Variants in CD164L2 observed in about 807,000 individuals in gnomAD.
CD164L2 encodes the protein CD164 sialomucin-like 2 protein.
A neutral mutation model predicts 23.9 loss-of-function variants in CD164L2; 21 were observed. The ratio of observed to expected loss-of-function variants is 0.88; its 90% CI spans 0.62 to 1.27. The LOEUF (loss-of-function observed/expected upper bound fraction) is 1.27, where lower values mean the gene tolerates loss of function less well. CD164L2 is among the 50% of genes most tolerant of loss of function. The pLI is 0.00. For synonymous variants in CD164L2, 92 were observed against 90.2 expected, an observed-to-expected ratio of 1.02 and a Z score of -0.11; for missense variants, 230 against 224.8, an observed-to-expected ratio of 1.02 and a Z score of -0.15.
At chr1:27,379,570 CT>C in intron 5 of CD164L2, 61 bp from the exon 6 acceptor site, 1 of 1,550,606 alleles carries the variant, frequency 6.4e-7, no homozygotes, top group Non-Finnish European at 8.7e-7. Flanking sequence ...CAAGGACCCC[CT>C]GCCTCGAGAG....
In CD164L2 at chr1:27,382,532, C is replaced by T. The variant is rs773326480; in HGVS notation, c.224G>A (p.Cys75Tyr). The change falls in exon 2 of 6, where the codon TGC (cysteine) becomes TAC (tyrosine). Residue 75 changes from cysteine to tyrosine, a missense_variant. Physicochemically the swap from Cys to Tyr is radical, Grantham distance 194. Coordinates refer to ENST00000374030, the MANE Select transcript of CD164L2 (RefSeq NM_001330448.1). ...EGDGARNLSS[C>Y]VWEQCRPEEP... is the part of the protein sequence containing the mutation. ...CTCTGGCCGGCACTGCTCCCACACG[C>T]AGCTGGAGAGATTGCGCGCTCCGTC... The T allele has an allele frequency of 6.2e-7, 1 of 1,613,088 alleles. No individual in the cohort carries two copies. The highest frequency in any genetic ancestry group is 1.1e-5 in the South Asian group (1 of 90,964).
chr1:27,382,767 C>T, intron 1 of CD164L2, 100 bp from the exon 2 acceptor site: 6 of 1,302,062 alleles, frequency 4.6e-6, no homozygotes, highest in Non-Finnish European at 6.3e-6. Context: ...CGCCCCTCTG[C>T]ACACATCTGG....
intron 5 of CD164L2, chr1:27,379,756 G>A (rs2148076435): frequency 6.9e-7 from 1 of 1,439,680 alleles, no homozygotes; most frequent in East Asian, 2.5e-5. Flanking sequence ...GGCTTGCCTG[G>A]GCTGGCACCT....
chr1:27,380,085 A>G lies in CD164L2; in HGVS notation c.484T>C (p.Phe162Leu). ...TAGGTGCTGTCCTTGGCCTTGAGGA[A>G]GTGCAGCACAAAGAAAGCCACCGCC... ...LQAVAFFVLH[F>L]LKAKDSTYQT... Residue 162 changes from phenylalanine (F) to leucine (L), a missense_variant, in exon 5 of 6, where the codon TTC becomes CTC. By Grantham distance (22) the Phe-to-Leu change is conservative (BLOSUM62 0). Transcript: ENST00000374030. 1.9e-6 allele frequency: 3 copies of G among 1,613,008 alleles called. No homozygotes were observed. Among genetic ancestry groups the G allele is most frequent in the Non-Finnish European group, 2.5e-6 (3 of 1,179,254 alleles).
intron 1 of CD164L2, 82 bp from the exon 2 acceptor site, chr1:27,382,749 G>T: frequency 1.5e-6 from 2 of 1,290,382 alleles, no homozygotes; most frequent in South Asian, 2.9e-5. Flanking sequence ...CAACACTCCG[G>T]TGGCCCTCGC....
intron 4 of CD164L2, among the ~76,000 whole-genome samples, chr1:27,381,067 T>G (rs2016327168): frequency 6.6e-6 from 1 of 152,142 alleles, no homozygotes; most frequent in Non-Finnish European, 1.5e-5. Flanking sequence ...TGGGTCTCCC[T>G]CCCAGAAGGT....
Position 27,380,117 on chromosome 1 carries a change from C to T in CD164L2, c.452G>A (p.Ser151Asn). 1 of 1,614,102 alleles carries T rather than the reference C, an allele frequency of 6.2e-7. No individual in the cohort carries two copies. The highest frequency in any genetic ancestry group is 8.5e-7 in the Non-Finnish European group (1 of 1,179,952). ...CACAAAGAAAGCCACCGCCTGTAGG[C>T]TCAACACCAGCACGACACCTCCGAT... ...SFIGGVVLVL[S>N]LQAVAFFVLH... Residue 151 changes from serine (S) to asparagine (N), a missense_variant, in exon 5 of 6, where the codon AGC (serine) becomes AAC (asparagine). Physicochemically the swap from Ser to Asn is conservative, Grantham distance 46. Coordinates refer to ENST00000374030, the MANE Select transcript of CD164L2 (RefSeq NM_001330448.1).
rs932764144 is a variant in CD164L2 at position 27,379,502 on chromosome 1, G to T, written c.*1C>A. On this transcript the variant is annotated 3_prime_UTR_variant, in exon 6 of 6. Coordinates refer to ENST00000374030, the MANE Select transcript of CD164L2 (RefSeq NM_001330448.1). ...CAGGATGGAGTCCAGGCCCAAAGGGGTCAGATTCTGCAGAGGCCAAAGAGG... is the reference window on the plus strand; with the variant it reads ...CAGGATGGAGTCCAGGCCCAAAGGGTTCAGATTCTGCAGAGGCCAAAGAGG... 9.7e-6 allele frequency: 15 copies of T among 1,550,334 alleles called. No individual in the cohort carries two copies. In the Admixed American group the frequency reaches 1.8e-4, roughly 18 times the overall value.
At chr1:27,382,813 C>T (rs1451291938) in intron 1 of CD164L2, 146 bp from the exon 2 acceptor site, 6 of 868,278 alleles carry the variant, frequency 6.9e-6, no homozygotes, top group East Asian at 2.7e-5. Context: ...CAAGCCCCAG[C>T]GCACACCTGG....
At chr1:27,381,737 C>T (rs768072528) in intron 4 of CD164L2, 43 bp downstream of exon 4, 3 of 1,607,052 alleles carry the variant, frequency 1.9e-6, no homozygotes, top group Non-Finnish European at 2.6e-6. Flanking sequence ...TCTTCCCCTG[C>T]ACCTCTGCTC....
Position 27,382,412 on chromosome 1 carries a change from G to A in CD164L2, c.257-13C>T, listed in dbSNP as rs1183074309. Reference sequence around the variant, plus strand: ...GCCACACAGTGTCCTGGTGAGAGAAGGTGCAGGGGGGAGGTTTGGGGAGAG... The same window carrying A: ...GCCACACAGTGTCCTGGTGAGAGAAAGTGCAGGGGGGAGGTTTGGGGAGAG... On this transcript the variant is annotated splice_polypyrimidine_tract_variant and intron_variant, in intron 2 of 5. Transcript: ENST00000374030. The A allele has an allele frequency of 1.3e-6, 2 of 1,596,046 alleles. No individual in the cohort carries two copies. Among genetic ancestry groups the A allele is most frequent in the East Asian group, 2.2e-5 (1 of 44,478 alleles).
chr1:27,383,077 T>C (rs1448182599), intron 1 of CD164L2, 75 bp downstream of exon 1: 2 of 1,296,362 alleles, frequency 1.5e-6, no homozygotes, highest in East Asian at 2.5e-5. Flanking sequence ...AGGCTGCTCC[T>C]GGGGAGACGG....
In CD164L2 at chr1:27,382,583, T is replaced by A. The variant is rs747083294; in HGVS notation, c.173A>T (p.Glu58Val). The change falls in exon 2 of 6, where the codon GAG becomes GTG. Residue 58 changes from glutamate (E) to valine (V), a missense_variant. Coordinates refer to ENST00000374030, the MANE Select transcript of CD164L2 (RefSeq NM_001330448.1). ...PAVQGACKQL[E>V]VCEHCVEGDG... ...TCCCTCCACGCAGTGCTCACAGACC[T>A]CCAGCTGTTTGCAGGCCCCTTGGAC... 1 of 1,613,536 alleles carries A rather than the reference T, an allele frequency of 6.2e-7. No homozygotes were observed. The highest frequency in any genetic ancestry group is 8.5e-7 in the Non-Finnish European group (1 of 1,179,928).
intron 3 of CD164L2, 36 bp from the exon 4 acceptor site, chr1:27,381,860 C>T: frequency 1.2e-6 from 2 of 1,612,898 alleles, no homozygotes; most frequent in East Asian, 2.2e-5. Context: ...AAGCAGCCTT[C>T]CCACCCCCTG....
chr1:27,382,030 C>T, intron 3 of CD164L2: 1 of 1,450,732 alleles, frequency 6.9e-7, no homozygotes, highest in Non-Finnish European at 9.2e-7. Context: ...ATTACTGATG[C>T]CACCTCCTCC....
At position 27,379,694 on chromosome 1, in the gene CD164L2, A is replaced by T. The variant is rs1465544180; in HGVS notation, c.519-185T>A. Reference sequence around the variant, plus strand: ...AGCTCCCCTTCTCAGAGCAAAACCCAACTAGACACAAGGCCCAGCTCCTGC... The same window carrying T: ...AGCTCCCCTTCTCAGAGCAAAACCCTACTAGACACAAGGCCCAGCTCCTGC... On this transcript the variant is annotated intron_variant, in intron 5 of 5. Transcript: ENST00000374030. 4.1e-6 allele frequency: 6 copies of T among 1,473,592 alleles called. No individual in the cohort carries two copies. The East Asian group carries it at 1.5e-4, about 37-fold the overall frequency. The allele number at this position is 1,473,592 out of a possible 1,614,324, so 91.3% of individuals were successfully genotyped here.
intron 1 of CD164L2, 123 bp from the exon 2 acceptor site, chr1:27,382,790 A>AC (rs1358417790): frequency 1.4e-5 from 14 of 1,030,420 alleles, no homozygotes; most frequent in Non-Finnish European, 1.7e-5. Context: ...TCTCACACTC[A>AC]CCCCTGGATC....
At chr1:27,382,439 G>C (rs369848375) in intron 2 of CD164L2, 40 bp from the exon 3 acceptor site, 4 of 1,586,004 alleles carry the variant, frequency 2.5e-6, no homozygotes, top group Admixed American at 1.7e-5. Context: ...TGGGGAGAGG[G>C]GCCAGGGCCT....
At position 27,379,380 on chromosome 1, in the gene CD164L2, A is replaced by T; in HGVS notation, c.*123T>A. ...GACACTGAGCCTGCTTGGTGCCCGC[A>T]GGAGCCAAAAACTGGCGGCCAGAGT... is the stretch of plus-strand genomic sequence containing the variant. On this transcript the variant is annotated 3_prime_UTR_variant, in exon 6 of 6. Transcript: ENST00000374030. The T allele has an allele frequency of 1.1e-6, 1 of 903,752 alleles. No individual in the cohort carries two copies. The highest frequency in any genetic ancestry group is 2.9e-4 in the Middle Eastern group (1 of 3,508). 56.0% of individuals were successfully genotyped at this position (903,752 alleles called of 1,614,324 possible).
Sources: allele counts gnomAD v4.1 joint callset (sites outside exome capture counted in the v4.1 genomes callset), GRCh38; gene constraint gnomAD v4.1.1; transcripts MANE v1.5; gene names NCBI Gene and HGNC (gene_info 2026-07-23, HGNC 2026-07-21).